NRXN3: variants seen among roughly 807,000 people sequenced by gnomAD.
NRXN3 encodes the protein neurexin 3.
In NRXN3, 32 loss-of-function variants were observed where a neutral mutation model predicts 137.6. The observed-to-expected ratio is 0.23, with a 90% confidence interval of 0.18 to 0.31. The LOEUF (loss-of-function observed/expected upper bound fraction) is 0.31. NRXN3 is among the 10% of genes least tolerant of loss of function. NRXN3 has a pLI of 1.00. For missense variants in NRXN3, 1,574 were observed against 2,062.5 expected (o/e 0.76, Z 4.59); for synonymous variants, 798 against 784.5 (o/e 1.02, Z -0.29).
At chr14:78,765,226 T>C (rs984413951) in intron 8 of NRXN3, among the ~76,000 whole-genome samples, 32 of 152,314 alleles carry the variant, frequency 2.1e-4, no homozygotes, top group African/African-American at 7.7e-4. Context: ...CAATCTTGGC[T>C]CACTGCAACC....
At chr14:79,091,592 T>G in intron 15 of NRXN3, among the ~76,000 whole-genome samples, 1 of 152,256 alleles carries the variant, frequency 6.6e-6, no homozygotes, top group East Asian at 1.9e-4. Flanking sequence ...GCTTGGAGCT[T>G]ACATAATCAG....
chr14:79,438,628 G>GT (rs998548914), intron 15 of NRXN3, among the ~76,000 whole-genome samples: 1 of 152,130 alleles, frequency 6.6e-6, no homozygotes, highest in Admixed American at 6.6e-5. Context: ...ACAAAGAGCT[G>GT]TAAGTTTTCT....
chr14:78,847,785 G>C (rs1010984048), intron 10 of NRXN3, among the ~76,000 whole-genome samples: 5 of 152,088 alleles, frequency 3.3e-5, no homozygotes, highest in Non-Finnish European at 5.9e-5. Context: ...AGTGGTGAGA[G>C]TGCAACTACG....
At chr14:79,502,386 G>A (rs1001588286) in intron 16 of NRXN3, among the ~76,000 whole-genome samples, 6 of 152,092 alleles carry the variant, frequency 3.9e-5, no homozygotes, top group African/African-American at 1.4e-4. Flanking sequence ...GCTCTGCATT[G>A]AGGGAGAGTT....
chr14:78,919,813 C>T (rs2099266180), intron 10 of NRXN3, among the ~76,000 whole-genome samples: 1 of 152,000 alleles, frequency 6.6e-6, no homozygotes. Flanking sequence ...ATTGACATTA[C>T]ACAATTTTTA....
chr14:79,521,054 T>C (rs1348171702), intron 16 of NRXN3, among the ~76,000 whole-genome samples: 1 of 152,182 alleles, frequency 6.6e-6, no homozygotes, highest in East Asian at 1.9e-4. Context: ...AATGAGTTGT[T>C]TTTTAAAGCA....
intron 1 of NRXN3, among the ~76,000 whole-genome samples, chr14:78,179,306 T>C (rs2059566731): frequency 1.3e-5 from 2 of 152,148 alleles, no homozygotes; most frequent in Admixed American, 6.5e-5. Flanking sequence ...GAACTTTTTC[T>C]TGGTGGAGAG....
chr14:79,790,724 G>A (rs547209294), intron 19 of NRXN3, among the ~76,000 whole-genome samples: 7 of 149,126 alleles, frequency 4.7e-5, no homozygotes, highest in South Asian at 2.1e-4. Context: ...AGGTTCAAGC[G>A]ATTCTCCTGC....
chr14:79,183,626 G>A (rs1568529407), intron 15 of NRXN3, among the ~76,000 whole-genome samples: 3 of 152,148 alleles, frequency 2.0e-5, no homozygotes, highest in Non-Finnish European at 2.9e-5. Context: ...GTTCTTGTTT[G>A]GATTAACTCT....
chr14:78,892,118 T>G (rs374874763), intron 10 of NRXN3, among the ~76,000 whole-genome samples: 13 of 151,900 alleles, frequency 8.6e-5, no homozygotes, highest in Admixed American at 2.0e-4. Flanking sequence ...ACCTGCTAAA[T>G]GAGAAACTGT....
chr14:79,737,400 A>G (rs978459996), intron 19 of NRXN3, among the ~76,000 whole-genome samples: 2 of 152,210 alleles, frequency 1.3e-5, no homozygotes, highest in East Asian at 3.8e-4. Flanking sequence ...TGAATTATCC[A>G]CTGTTAAATC....
intron 4 of NRXN3, among the ~76,000 whole-genome samples, chr14:78,500,897 T>C (rs1435659362): frequency 1.3e-5 from 2 of 152,190 alleles, no homozygotes; most frequent in Admixed American, 6.6e-5. Context: ...CAAAAACTTA[T>C]GTGCTCAAAC....
At chr14:79,069,181 G>GT (rs941216642) in intron 15 of NRXN3, among the ~76,000 whole-genome samples, 3 of 152,068 alleles carry the variant, frequency 2.0e-5, no homozygotes, top group African/African-American at 7.2e-5. Context: ...AGAGGAAAAT[G>GT]TAAGGCAAGG....
At chr14:78,613,792 T>G (rs931508994) in intron 4 of NRXN3, among the ~76,000 whole-genome samples, 3 of 151,970 alleles carry the variant, frequency 2.0e-5, no homozygotes, top group African/African-American at 4.8e-5. Context: ...TAACAGAACA[T>G]ACATAGCTCA....
At chr14:79,068,441 A>G (rs1031296752) in intron 15 of NRXN3, among the ~76,000 whole-genome samples, 2 of 152,088 alleles carry the variant, frequency 1.3e-5, no homozygotes, top group Non-Finnish European at 2.9e-5. Context: ...GCAATTTCTA[A>G]GTCGCCTACT....
chr14:79,561,902 G>A (rs919208139), intron 16 of NRXN3, among the ~76,000 whole-genome samples: 5 of 152,066 alleles, frequency 3.3e-5, no homozygotes, highest in Non-Finnish European at 7.4e-5. Flanking sequence ...ATAATACTTC[G>A]TTTAATGATT....
chr14:78,751,016 G>T (rs755421074), intron 8 of NRXN3, among the ~76,000 whole-genome samples: 4 of 152,344 alleles, frequency 2.6e-5, no homozygotes. Context: ...AGGCCGTTTT[G>T]TCATGCGGCT....
chr14:78,557,325 A>G (rs1244401647), intron 4 of NRXN3, among the ~76,000 whole-genome samples: 1 of 150,844 alleles, frequency 6.6e-6, no homozygotes, highest in Admixed American at 6.6e-5. Context: ...AAGTACTGGG[A>G]TCACAGGTTC....
At chr14:78,193,069 G>T (rs1354749070) in intron 1 of NRXN3, among the ~76,000 whole-genome samples, 1 of 152,186 alleles carries the variant, frequency 6.6e-6, no homozygotes, top group Non-Finnish European at 1.5e-5. Flanking sequence ...GGATATTATT[G>T]TTGCGGACAA....
Sources: gnomAD v4.1 joint callset for allele counts (sites outside exome capture counted in the v4.1 genomes callset) on GRCh38, gnomAD v4.1.1 for gene constraint, MANE v1.5 for transcripts, NCBI Gene and HGNC (gene_info 2026-07-23, HGNC 2026-07-21) for gene names.